The following SYNJ2 variants were observed in gnomAD, a reference collection of about 807,000 sequenced individuals.
The protein encoded by SYNJ2 is synaptojanin 2, also known as polyphosphatidylinositol phosphatase SYNJ2.
In SYNJ2, 116 loss-of-function variants were observed where a neutral mutation model predicts 141.3. That is an observed-to-expected ratio of 0.82 (90% CI 0.71 to 0.96). SYNJ2 has a LOEUF of 0.96. Among genes scored for constraint, SYNJ2 ranks in the 40% least tolerant of loss-of-function variants. SYNJ2 has a pLI of 0.00. For synonymous variants in SYNJ2, 745 were observed against 777.7 expected, an observed-to-expected ratio of 0.96 and a Z score of 0.70; for missense variants, 1,873 against 1,934.8, an observed-to-expected ratio of 0.97 and a Z score of 0.60.
intron 2 of SYNJ2, chr6:158,026,955 AC>A: frequency 1.0e-6 from 1 of 985,342 alleles, no homozygotes; most frequent in Non-Finnish European, 1.2e-6. Context: ...CAGTGTGATA[AC>A]TTCCTTTGTT....
At chr6:158,054,887 A>T in intron 5 of SYNJ2, 80 bp from the exon 6 acceptor site, 1 of 1,477,918 alleles carries the variant, frequency 6.8e-7, no homozygotes, top group Non-Finnish European at 9.3e-7. Context: ...GCTGGGAGTA[A>T]GAAGGAGAAT....
intron 1 of SYNJ2, among the ~76,000 whole-genome samples, chr6:157,999,151 A>G (rs929730550): frequency 3.3e-5 from 5 of 152,272 alleles, no homozygotes; most frequent in African/African-American, 1.2e-4. Context: ...ATAATGAGCA[A>G]TTCTCCAAAG....
chr6:158,083,949 C>A, intron 21 of SYNJ2, 52 bp from the exon 22 acceptor site: 2 of 1,593,470 alleles, frequency 1.3e-6, no homozygotes, highest in Non-Finnish European at 1.7e-6. Flanking sequence ...GAAGACTGAG[C>A]CTTTCCCCCT....
chr6:158,008,853 G>T (rs1275371668), intron 1 of SYNJ2, among the ~76,000 whole-genome samples: 1 of 152,182 alleles, frequency 6.6e-6, no homozygotes, highest in Non-Finnish European at 1.5e-5. Context: ...CAACAGAGCA[G>T]CCAGGATGAT....
intron 3 of SYNJ2, among the ~76,000 whole-genome samples, chr6:158,030,099 T>C (rs960792436): frequency 5.9e-5 from 9 of 152,116 alleles, no homozygotes; most frequent in African/African-American, 2.2e-4. Context: ...ATGTTTAAGA[T>C]CTCCTGGTGC....
chr6:157,983,134 C>A (rs750131526), intron 1 of SYNJ2, among the ~76,000 whole-genome samples: 1 of 152,218 alleles, frequency 6.6e-6, no homozygotes, highest in East Asian at 1.9e-4. Context: ...TTTGTAGATG[C>A]CTCTAGCCTT....
intron 7 of SYNJ2, chr6:158,059,659 A>C (rs1583430084): frequency 1.2e-6 from 1 of 842,052 alleles, no homozygotes; most frequent in South Asian, 3.3e-5. Context: ...GGTACAAGCG[A>C]TTCTCCTCCC....
intron 8 of SYNJ2, 32 bp from the exon 9 acceptor site, chr6:158,063,759 A>G (rs748442566): frequency 7.4e-5 from 119 of 1,602,888 alleles, no homozygotes; most frequent in Non-Finnish European, 8.3e-5. Flanking sequence ...TGAAAACAAC[A>G]TATAACCGTT....
At chr6:158,073,711 G>A (rs1208490787) in intron 15 of SYNJ2, among the ~76,000 whole-genome samples, 2 of 152,100 alleles carry the variant, frequency 1.3e-5, no homozygotes, top group Non-Finnish European at 2.9e-5. Flanking sequence ...GTGTTATCTA[G>A]ACGCTCATTT....
chr6:158,007,283 ACT>A (rs1048402355), intron 1 of SYNJ2, among the ~76,000 whole-genome samples: 23 of 152,018 alleles, frequency 1.5e-4, no homozygotes, highest in African/African-American at 5.3e-4. Context: ...ATTGTAAATA[ACT>A]CTGTCTGCTG....
At chr6:158,076,171 G>A (rs1405311003) in intron 16 of SYNJ2, among the ~76,000 whole-genome samples, 1 of 152,208 alleles carries the variant, frequency 6.6e-6, no homozygotes, top group Non-Finnish European at 1.5e-5. Flanking sequence ...CTGAGCAAAA[G>A]AGCGAGACCC....
chr6:158,032,562 C>T (rs1296446180), intron 3 of SYNJ2, among the ~76,000 whole-genome samples: 1 of 152,174 alleles, frequency 6.6e-6, no homozygotes, highest in African/African-American at 2.4e-5. Flanking sequence ...CACATGGAAA[C>T]GTAGGGCCTC....
intron 12 of SYNJ2, among the ~76,000 whole-genome samples, chr6:158,068,266 G>A (rs1419750544): frequency 1.3e-5 from 2 of 152,086 alleles, no homozygotes; most frequent in Non-Finnish European, 2.9e-5. Flanking sequence ...TGTCCTCCTA[G>A]CTGGACCCTG....
At position 157,982,138 on chromosome 6, in the gene SYNJ2, T is replaced by C; in HGVS notation, c.127+50T>C. ...CGCCCGGAGGAGAGGGCGCCCGCAT[T>C]CGCCCAGCCTCGGGAAGACGGGTAC... is the stretch of plus-strand genomic sequence containing the variant. On this transcript the variant is annotated intron_variant, in intron 1 of 26. Transcript: ENST00000355585. This position sits in a 1 kb window ranked among gnomAD's most constrained non-coding sequence, Gnocchi z 4.0. 7.8e-7 allele frequency: 1 copy of C among 1,283,782 alleles called. No homozygotes were observed. Among genetic ancestry groups the C allele is most frequent in the Non-Finnish European group, 9.9e-7 (1 of 1,014,500 alleles). The allele number at this position is 1,283,782 out of a possible 1,614,324, so 79.5% of individuals were successfully genotyped here. A position where few individuals can be genotyped will look rare whatever the true frequency, so the allele number is the denominator to read the frequency against.
At chr6:158,050,416 C>T (rs1332759460) in intron 5 of SYNJ2, among the ~76,000 whole-genome samples, 1 of 152,220 alleles carries the variant, frequency 6.6e-6, no homozygotes, top group African/African-American at 2.4e-5. Flanking sequence ...CTGCTCTGGT[C>T]ATTCACCCGG....
chr6:158,012,868 C>T (rs559776838), intron 1 of SYNJ2, among the ~76,000 whole-genome samples: 3 of 152,090 alleles, frequency 2.0e-5, no homozygotes, highest in African/African-American at 4.8e-5. Flanking sequence ...GTCCTCAAGA[C>T]GAGGGGCTTC....
In SYNJ2 at chr6:157,982,011, G is replaced by A. The variant is rs1034933145; in HGVS notation, c.50G>A (p.Gly17Glu). Residue 17 changes from glycine to glutamate, a missense_variant, in exon 1 of 27, where the codon GGG (glycine) becomes GAG (glutamate). Gly to Glu is a moderately conservative substitution (Grantham distance 98). Transcript: ENST00000355585. The surrounding 1 kb of genome is among the most constrained non-coding windows in gnomAD (Gnocchi z 4.0). ...LRLLGRLGAE[G>E]DCSVLLEARG... ...CTGCTGGGGCGCCTGGGGGCCGAGG[G>A]GGACTGTAGCGTGCTGCTGGAGGCG... 1.2e-5 allele frequency: 16 copies of A among 1,298,064 alleles called. No homozygotes were observed. The highest frequency in any genetic ancestry group is 7.2e-5 in the South Asian group (3 of 41,694). 80.4% of individuals were successfully genotyped at this position (1,298,064 alleles called of 1,614,324 possible).
At chr6:157,990,064 T>C (rs1777361891) in intron 1 of SYNJ2, among the ~76,000 whole-genome samples, 1 of 152,192 alleles carries the variant, frequency 6.6e-6, no homozygotes, top group Non-Finnish European at 1.5e-5. Context: ...TCTGTGCCCT[T>C]GGCCCGCGAG....
chr6:158,003,088 C>T (rs762570183), intron 1 of SYNJ2, among the ~76,000 whole-genome samples: 28 of 152,124 alleles, frequency 1.8e-4, no homozygotes, highest in Non-Finnish European at 3.2e-4. Context: ...GCTCTGACTG[C>T]GGGAAACCAA....
Sources: allele counts gnomAD v4.1 joint callset (sites outside exome capture counted in the v4.1 genomes callset), GRCh38; gene constraint gnomAD v4.1.1; non-coding constraint Gnocchi (gnomAD v3.1); transcripts MANE v1.5; gene names NCBI Gene and HGNC (gene_info 2026-07-23, HGNC 2026-07-21).